Variants in PALS1 observed in about 807,000 individuals in gnomAD.
PALS1 encodes protein PALS1.
A neutral mutation model predicts 78.9 loss-of-function variants in PALS1; 31 were observed. That is an observed-to-expected ratio of 0.39 (90% CI 0.30 to 0.53). The LOEUF (loss-of-function observed/expected upper bound fraction) is 0.53, where lower values mean the gene tolerates loss of function less well. PALS1 is among the 20% of genes least tolerant of loss of function. The probability of loss-of-function intolerance (pLI) is 0.67; values close to 1 mark genes in which losing one functional copy is unlikely to be tolerated. For synonymous variants in PALS1, 276 were observed against 270.9 expected (o/e 1.02, Z -0.18); for missense variants, 704 against 826.5 (o/e 0.85, Z 1.82).
rs1334460396 is a variant in PALS1 at position 67,320,317 on chromosome 14, G to A, written c.1457G>A (p.Gly486Asp). Residue 486 changes from glycine (G) to aspartate (D), a missense_variant, in exon 12 of 15, where the codon GGT becomes GAT. Coordinates refer to ENST00000261681, the MANE Select transcript of PALS1 (RefSeq NM_022474.4). ...AGGAAGAGACCTATCATCTTGATTGGTCCACAGAACTGTGGCCAGAATGAA... is the reference window on the plus strand; with the variant it reads ...AGGAAGAGACCTATCATCTTGATTGATCCACAGAACTGTGGCCAGAATGAA... ...ANRKRPIILI[G>D]PQNCGQNELR... The A allele has an allele frequency of 1.2e-6, 2 of 1,613,790 alleles. No individual in the cohort carries two copies. The highest frequency in any genetic ancestry group is 1.7e-6 in the Non-Finnish European group (2 of 1,179,900).
intron 1 of PALS1, among the ~76,000 whole-genome samples, chr14:67,256,821 CACAT>C (rs1020558456): frequency 2.0e-5 from 3 of 151,966 alleles, no homozygotes; most frequent in African/African-American, 4.8e-5. Flanking sequence ...CACACACACA[CACAT>C]GAAACTGATA....
intron 3 of PALS1, among the ~76,000 whole-genome samples, chr14:67,288,613 A>C (rs963862059): frequency 9.9e-5 from 15 of 152,080 alleles, no homozygotes; most frequent in Non-Finnish European, 2.9e-5. Flanking sequence ...TGCTTTTATA[A>C]TTTCTTTTTC....
intron 4 of PALS1, among the ~76,000 whole-genome samples, chr14:67,293,690 T>A (rs1306189599): frequency 6.6e-6 from 1 of 152,192 alleles, no homozygotes; most frequent in Admixed American, 6.5e-5. Flanking sequence ...ACTTCCAGGA[T>A]AGAAGGAAAA....
chr14:67,255,018 G>C (rs1368226072), intron 1 of PALS1, among the ~76,000 whole-genome samples: 1 of 152,064 alleles, frequency 6.6e-6, no homozygotes, highest in Non-Finnish European at 1.5e-5. Flanking sequence ...GTGTGGTGGC[G>C]CACGCCTGTA....
intron 14 of PALS1, among the ~76,000 whole-genome samples, chr14:67,326,134 CT>C (rs1352297553): frequency 7.2e-6 from 1 of 138,854 alleles, no homozygotes; most frequent in African/African-American, 2.7e-5. Context: ...CAGCATCTTT[CT>C]TTTGGTTGGT....
chr14:67,334,562 A>G lies in PALS1; in HGVS notation c.*1606A>G, dbSNP rs1489161509. 4.6e-5 allele frequency: 7 copies of G among 152,606 alleles called. No homozygotes were observed. The highest frequency in any genetic ancestry group is 1.4e-4 in the African/African-American group (6 of 41,444). 9.5% of individuals were successfully genotyped at this position (152,606 alleles called of 1,614,324 possible). A position where few individuals can be genotyped will look rare whatever the true frequency, so the allele number is the denominator to read the frequency against. ...CTTCTACATAATTTTATTTGAACAAATGTAGACAGTTTATATGTCGCCTTT... is the reference window on the plus strand; with the variant it reads ...CTTCTACATAATTTTATTTGAACAAGTGTAGACAGTTTATATGTCGCCTTT... On this transcript the variant is annotated 3_prime_UTR_variant, in exon 15 of 15. Coordinates refer to ENST00000261681, the MANE Select transcript of PALS1 (RefSeq NM_022474.4).
chr14:67,289,070 G>A (rs1453807444), intron 3 of PALS1, among the ~76,000 whole-genome samples: 1 of 148,524 alleles, frequency 6.7e-6, no homozygotes, highest in Admixed American at 6.9e-5. Flanking sequence ...AGGTTCAAGT[G>A]ATTCTCCTGC....
chr14:67,272,895 C>T (rs1160505286), intron 2 of PALS1, among the ~76,000 whole-genome samples: 2 of 152,116 alleles, frequency 1.3e-5, no homozygotes, highest in African/African-American at 4.8e-5. Flanking sequence ...TCTCAAACTA[C>T]TAGTCTTAAG....
intron 6 of PALS1, 31 bp from the exon 7 acceptor site, chr14:67,302,379 A>C: frequency 7.5e-7 from 1 of 1,329,078 alleles, no homozygotes; most frequent in South Asian, 2.0e-5. Flanking sequence ...TATTATTTTT[A>C]TTTTTAAATT....
chr14:67,301,389 G>A lies in PALS1; in HGVS notation c.577G>A (p.Val193Ile), dbSNP rs1566562412. The stretch of plus-strand genomic sequence containing the variant: ...AATAATCTTTATTTTTGTTTCTTAG[G>A]TACAAACTGTTTTGAAGCCAGTTCA... The part of the protein sequence containing the change: ...ISNAQDLAQE[V>I]QTVLKPVHHK... Residue 193 changes from valine to isoleucine, a missense_variant and splice_region_variant, in exon 5 of 15, where the codon GTA becomes ATA. Physicochemically the swap from Val to Ile is conservative, Grantham distance 29. Transcript: ENST00000261681. 4.4e-6 allele frequency: 7 copies of A among 1,602,410 alleles called. No individual in the cohort carries two copies. The highest frequency in any genetic ancestry group is 2.2e-5 in the East Asian group (1 of 44,550).
At chr14:67,311,310 CAA>C (rs1164347381) in intron 8 of PALS1, among the ~76,000 whole-genome samples, 9 of 63,946 alleles carry the variant, frequency 1.4e-4, no homozygotes, top group East Asian at 3.3e-4. Flanking sequence ...GACTCCGTCT[CAA>C]AAAAAAAAAA....
chr14:67,311,675 G>C (rs1343354746), intron 8 of PALS1, among the ~76,000 whole-genome samples: 2 of 152,100 alleles, frequency 1.3e-5, no homozygotes, highest in Admixed American at 1.3e-4. Context: ...ATACAGAATA[G>C]CTTATAAAGT....
intron 1 of PALS1, among the ~76,000 whole-genome samples, chr14:67,247,064 A>G (rs1173109027): frequency 6.6e-6 from 1 of 152,192 alleles, no homozygotes; most frequent in African/African-American, 2.4e-5. Flanking sequence ...GATATTTAGA[A>G]TCATCTTGAT....
chr14:67,296,841 C>G (rs2084861624), intron 4 of PALS1, among the ~76,000 whole-genome samples: 1 of 152,002 alleles, frequency 6.6e-6, no homozygotes, highest in African/African-American at 2.4e-5. Flanking sequence ...CTCAAGCAGT[C>G]CTCCCACCTC....
chr14:67,288,261 C>G (rs2084721124), intron 3 of PALS1, among the ~76,000 whole-genome samples: 1 of 151,960 alleles, frequency 6.6e-6, no homozygotes, highest in Non-Finnish European at 1.5e-5. Flanking sequence ...TTTGTATTTT[C>G]AGTAGAGACG....
chr14:67,295,851 C>G (rs2084839745), intron 4 of PALS1, among the ~76,000 whole-genome samples: 1 of 152,060 alleles, frequency 6.6e-6, no homozygotes, highest in African/African-American at 2.4e-5. Flanking sequence ...AGCAATTTCA[C>G]TTGTAGGTAT....
chr14:67,300,484 C>T (rs1054522978), intron 4 of PALS1, among the ~76,000 whole-genome samples: 4 of 152,210 alleles, frequency 2.6e-5, no homozygotes, highest in Admixed American at 1.3e-4. Flanking sequence ...CACGCCACCA[C>T]GCCTGGCTAA....
At chr14:67,272,726 T>A (rs571422624) in intron 2 of PALS1, among the ~76,000 whole-genome samples, 3 of 152,338 alleles carry the variant, frequency 2.0e-5, no homozygotes, top group African/African-American at 7.2e-5. Flanking sequence ...TGGCACGATC[T>A]TGGCTCACTA....
At chr14:67,251,761 G>T (rs903221379) in intron 1 of PALS1, among the ~76,000 whole-genome samples, 3 of 152,158 alleles carry the variant, frequency 2.0e-5, no homozygotes, top group Admixed American at 2.0e-4. Flanking sequence ...TCTTTTGTTT[G>T]AATGAGGGTG....
Sources: gnomAD v4.1 joint callset for allele counts (sites outside exome capture counted in the v4.1 genomes callset) on GRCh38, gnomAD v4.1.1 for gene constraint, MANE v1.5 for transcripts, NCBI Gene and HGNC (gene_info 2026-07-23, HGNC 2026-07-21) for gene names.